Variants in KLHL5 observed in about 807,000 individuals in gnomAD.
KLHL5 encodes the protein kelch like family member 5, also known as kelch-like protein 5.
KLHL5 carries 48 observed loss-of-function variants against 77.7 expected under a neutral mutation model. That is an observed-to-expected ratio of 0.62 (90% CI 0.49 to 0.79). The LOEUF (loss-of-function observed/expected upper bound fraction) is 0.79. Ranked by LOEUF, KLHL5 falls within the 30% of genes least tolerant of loss-of-function variation. The pLI, the probability that KLHL5 is intolerant of heterozygous loss-of-function variation, is 0.00. For synonymous variants in KLHL5, 260 were observed against 297.0 expected (o/e 0.88, Z 1.28); for missense variants, 723 against 859.7 (o/e 0.84, Z 1.99).
chr4:39,121,052 A>C lies in KLHL5; in HGVS notation c.2116A>C (p.Thr706Pro). 6.2e-7 allele frequency: 1 copy of C among 1,612,776 alleles called. No homozygotes were observed. The highest frequency in any genetic ancestry group is 8.5e-7 in the Non-Finnish European group (1 of 1,178,942). Residue 706 changes from threonine to proline, a missense_variant, in exon 11 of 11, where the codon ACT becomes CCT. By Grantham distance (38) the Thr-to-Pro change is conservative. Coordinates refer to ENST00000504108, the MANE Select transcript of KLHL5 (RefSeq NM_015990.5). ...CLGRAGACVV[T>P]VKL ...AGGAAGAGCTGGAGCTTGTGTTGTG[A>C]CTGTAAAATTATAATTTAGTGCCCC...
intron 1 of KLHL5, among the ~76,000 whole-genome samples, chr4:39,050,053 C>T (rs574411593): frequency 2.5e-4 from 38 of 152,012 alleles, no homozygotes; most frequent in African/African-American, 7.7e-4. Context: ...TCATCCTGGG[C>T]GACAGAGTGA....
At chr4:39,128,907 A>C (rs1235494074), downstream of KLHL5, among the ~76,000 whole-genome samples, 1 of 152,206 alleles carries the variant, frequency 6.6e-6, no homozygotes, top group East Asian at 1.9e-4. Context: ...CCAAGGCTGC[A>C]GTGAGCTACG....
At chr4:39,133,360 TC>T in the KLHL5 span, among the ~76,000 whole-genome samples, 1 of 152,060 alleles carries the variant, frequency 6.6e-6, no homozygotes, top group East Asian at 1.9e-4. Context: ...GAGTATAGAC[TC>T]CCAGGGAGCC....
chr4:39,132,793 C>T, the KLHL5 span, among the ~76,000 whole-genome samples: 1 of 152,170 alleles, frequency 6.6e-6, no homozygotes, highest in Admixed American at 6.5e-5. Context: ...TTCATATTCC[C>T]TTCAACAATG....
chr4:39,048,844 A>G (rs1281938491), intron 1 of KLHL5, among the ~76,000 whole-genome samples: 1 of 151,690 alleles, frequency 6.6e-6, no homozygotes, highest in Non-Finnish European at 1.5e-5. Flanking sequence ...GGGTTTCATC[A>G]TGTTGACCAG....
chr4:39,117,862 G>A (rs572620848), intron 10 of KLHL5, among the ~76,000 whole-genome samples: 1 of 152,072 alleles, frequency 6.6e-6, no homozygotes, highest in Non-Finnish European at 1.5e-5. Context: ...ATCTTTTGGG[G>A]CCAGGAGTTC....
At chr4:39,057,850 A>T (rs937431936), upstream of KLHL5, among the ~76,000 whole-genome samples, 1 of 152,232 alleles carries the variant, frequency 6.6e-6, no homozygotes, top group Non-Finnish European at 1.5e-5. Context: ...TGTAATTATG[A>T]TTACTAATAT....
intron 8 of KLHL5, among the ~76,000 whole-genome samples, chr4:39,109,773 T>C (rs902619359): frequency 6.6e-6 from 1 of 151,712 alleles, no homozygotes; most frequent in African/African-American, 2.4e-5. Context: ...TGCCTCAGCC[T>C]CCTGAGTTCC....
intron 6 of KLHL5, among the ~76,000 whole-genome samples, chr4:39,102,708 C>G (rs1458048636): frequency 6.6e-6 from 1 of 152,178 alleles, no homozygotes; most frequent in Non-Finnish European, 1.5e-5. Context: ...TTCAAATTTT[C>G]AAAGCAAAAC....
Position 39,105,737 on chromosome 4 carries a change from TACACACACACACAC to T in KLHL5, c.1526-1808_1526-1795del, listed in dbSNP as rs10536180. Reference sequence around the variant, plus strand: ...ACACATATATGTGTGTATATATGTATACACACACACACACACACACACACACACACACACACATA... The same window carrying T: ...ACACATATATGTGTGTATATATGTATACACACACACACACACACACACATA... On this transcript the variant is annotated intron_variant, in intron 7 of 10. Coordinates refer to ENST00000504108, the MANE Select transcript of KLHL5 (RefSeq NM_015990.5). Among the ~76,000 whole-genome samples the T allele has an allele frequency of 2.7e-4, 39 of 146,704 alleles. 1 individual carries two copies. The highest frequency in any genetic ancestry group is 2.6e-3 in the East Asian group (13 of 4,954).
At chr4:39,061,073 T>A (rs1405327687), upstream of KLHL5, among the ~76,000 whole-genome samples, 1 of 152,220 alleles carries the variant, frequency 6.6e-6, no homozygotes, top group African/African-American at 2.4e-5. Context: ...TTTACTATTC[T>A]TAGCAGCCTT....
intron 5 of KLHL5, among the ~76,000 whole-genome samples, 177 bp downstream of exon 5, chr4:39,086,904 CTTTTTTTTTTTT>C (rs71643263): frequency 6.4e-5 from 5 of 78,346 alleles, no homozygotes; most frequent in African/African-American, 2.1e-4. Flanking sequence ...AAGTAACATT[CTTTTTTTTTTTT>C]TTTTTTTTTT....
At chr4:39,117,125 A>ATGCC (rs1253682980) in intron 10 of KLHL5, among the ~76,000 whole-genome samples, 1 of 152,078 alleles carries the variant, frequency 6.6e-6, no homozygotes, top group Non-Finnish European at 1.5e-5. Flanking sequence ...ATGAGCCACC[A>ATGCC]TGCCCAGCCC....
chr4:39,126,946 G>A (rs1723577311), downstream of KLHL5: 1 of 354,580 alleles, frequency 2.8e-6, no homozygotes, highest in East Asian at 7.4e-5. Context: ...GCACCAAAAT[G>A]TGTACAAATG....
chr4:39,135,907 AAAAC>A, the KLHL5 span, among the ~76,000 whole-genome samples: 16 of 152,094 alleles, frequency 1.1e-4, no homozygotes, highest in South Asian at 1.9e-3. Context: ...TCCATCTCAA[AAAAC>A]AAACAAACTG....
Position 39,107,289 on chromosome 4 carries a change from C to T in KLHL5, c.1526-280C>T, listed in dbSNP as rs1265284447. Among the ~76,000 whole-genome samples, 3 of 152,030 alleles carry T rather than the reference C, an allele frequency of 2.0e-5. No individual in the cohort carries two copies. In the East Asian group the frequency reaches 5.8e-4, roughly 29 times the overall value. On this transcript the variant is annotated intron_variant, in intron 7 of 10. Transcript: ENST00000504108. Reference sequence around the variant, plus strand: ...TCTCAAACTCCTGACCTCAAGTGATCCTCCCACCTGGGACTCCCAAACCGC... The same window carrying T: ...TCTCAAACTCCTGACCTCAAGTGATTCTCCCACCTGGGACTCCCAAACCGC...
intron 1 of KLHL5, among the ~76,000 whole-genome samples, chr4:39,049,256 T>C (rs889983041): frequency 6.6e-6 from 1 of 152,248 alleles, no homozygotes; most frequent in African/African-American, 2.4e-5. Flanking sequence ...ATTATGCTAA[T>C]GAGAATTATG....
chr4:39,129,608 G>A (rs1035545335), downstream of KLHL5, among the ~76,000 whole-genome samples: 3 of 152,194 alleles, frequency 2.0e-5, no homozygotes, highest in East Asian at 3.9e-4. The surrounding 1 kb of genome is among the most constrained non-coding windows in gnomAD (Gnocchi z 4.2). Context: ...CTGTCACTTC[G>A]GTGGTGAACA....
chr4:39,103,243 T>G, intron 6 of KLHL5, 44 bp from the exon 7 acceptor site: 2 of 1,317,206 alleles, frequency 1.5e-6, no homozygotes, highest in Non-Finnish European at 2.1e-6. Flanking sequence ...TTACCAATCA[T>G]GGTATAATTT....
Sources: gnomAD v4.1 joint callset for allele counts (sites outside exome capture counted in the v4.1 genomes callset) on GRCh38, gnomAD v4.1.1 for gene constraint, Gnocchi (gnomAD v3.1) non-coding constraint, MANE v1.5 for transcripts, NCBI Gene and HGNC (gene_info 2026-07-23, HGNC 2026-07-21) for gene names.